The following CRADD variants were observed in gnomAD, a reference collection of about 807,000 sequenced individuals.
The protein encoded by CRADD is death domain-containing protein CRADD.
In CRADD, 9 loss-of-function variants were observed where a neutral mutation model predicts 15.5. That is an observed-to-expected ratio of 0.58 (90% CI 0.35 to 1.01). The LOEUF (loss-of-function observed/expected upper bound fraction) is 1.01, where lower values mean the gene tolerates loss of function less well. CRADD is among the 50% of genes least tolerant of loss of function. CRADD has a pLI of 0.02. For missense variants in CRADD, 227 were observed against 250.3 expected, an observed-to-expected ratio of 0.91 and a Z score of 0.63; for synonymous variants, 118 against 107.6, an observed-to-expected ratio of 1.10 and a Z score of -0.60.
intron 2 of CRADD, chr12:93,846,625 C>CACACACACACAT (rs1958123171): frequency 6.7e-6 from 1 of 150,296 alleles, no homozygotes; most frequent in Non-Finnish European, 1.5e-5. Flanking sequence ...CACACACACA[C>CACACACACACAT]GATGGACATA....
At chr12:93,813,987 CA>C (rs1210273032) in intron 2 of CRADD, among the ~76,000 whole-genome samples, 1 of 151,920 alleles carries the variant, frequency 6.6e-6, no homozygotes, top group Non-Finnish European at 1.5e-5. Flanking sequence ...GCTCCTAGAC[CA>C]AAAGTCCAAA....
chr12:93,743,380 G>A (rs149245106), intron 2 of CRADD, among the ~76,000 whole-genome samples: 204 of 152,186 alleles, frequency 1.3e-3, no homozygotes, highest in Non-Finnish European at 2.4e-3. Context: ...CATCCAGGCC[G>A]GAGTGCAGTG....
At chr12:93,884,512 C>A (rs1289700971) in intron 2 of CRADD, among the ~76,000 whole-genome samples, 1 of 152,140 alleles carries the variant, frequency 6.6e-6, no homozygotes, top group African/African-American at 2.4e-5. Context: ...CGCCCACCTG[C>A]ACACAGGGAG....
Position 93,721,332 on chromosome 12 carries a change from T to A in CRADD, c.298+42260T>A, listed in dbSNP as rs1290984301. On this transcript the variant is annotated intron_variant, in intron 2 of 2. Transcript: ENST00000332896. ...TTTCAAATAACTCTGTACTAATACA[T>A]GGGCAGTGTATTTCATTATAATAAT... 2.0e-5 allele frequency among the ~76,000 whole-genome samples: 3 copies of A among 152,214 alleles called. 1 individual carries two copies. The highest frequency in any genetic ancestry group is 4.4e-5 in the Non-Finnish European group (3 of 68,040).
chr12:93,699,229 T>C (rs970704244), intron 2 of CRADD, among the ~76,000 whole-genome samples: 3 of 152,220 alleles, frequency 2.0e-5, no homozygotes, highest in African/African-American at 2.4e-5. Flanking sequence ...CCTATGAATA[T>C]ATATCATTAT....
intron 2 of CRADD, among the ~76,000 whole-genome samples, chr12:93,890,050 C>A (rs1340128808): frequency 5.3e-5 from 8 of 152,194 alleles, no homozygotes; most frequent in Non-Finnish European, 1.2e-4. Flanking sequence ...TCTTGCAACA[C>A]TTTTGAAAAC....
intron 2 of CRADD, among the ~76,000 whole-genome samples, chr12:93,703,212 AT>A (rs145149095): frequency 6.6e-6 from 1 of 152,030 alleles, no homozygotes; most frequent in Non-Finnish European, 1.5e-5. Flanking sequence ...TTAGGTGTTG[AT>A]TTTTTTTAAA....
intron 2 of CRADD, among the ~76,000 whole-genome samples, chr12:93,726,206 C>A (rs1176648627): frequency 2.7e-5 from 4 of 147,506 alleles, no homozygotes. Flanking sequence ...CAGGTTCAAG[C>A]GATTCTCCTG....
chr12:93,682,342 A>G (rs917447178), intron 2 of CRADD, among the ~76,000 whole-genome samples: 3 of 152,264 alleles, frequency 2.0e-5, no homozygotes, highest in Admixed American at 6.5e-5. Flanking sequence ...GTATGTACAC[A>G]TTAAACTCTT....
chr12:93,864,533 T>C (rs1283864198), intron 2 of CRADD, among the ~76,000 whole-genome samples: 10 of 152,248 alleles, frequency 6.6e-5, no homozygotes, highest in Admixed American at 6.5e-4. Context: ...CCAATGACAA[T>C]GACAGCATTC....
chr12:93,813,401 C>G (rs1190358746), intron 2 of CRADD, among the ~76,000 whole-genome samples: 1 of 152,256 alleles, frequency 6.6e-6, no homozygotes, highest in African/African-American at 2.4e-5. Flanking sequence ...TTTCTTGGCT[C>G]ACTTCAGACA....
chr12:93,747,924 C>T (rs1956780455), intron 2 of CRADD, among the ~76,000 whole-genome samples: 1 of 152,162 alleles, frequency 6.6e-6, no homozygotes, highest in Non-Finnish European at 1.5e-5. Flanking sequence ...AGACCACAGT[C>T]TCAGTCTTGG....
At chr12:93,797,854 C>T (rs540742049) in intron 2 of CRADD, among the ~76,000 whole-genome samples, 19 of 152,238 alleles carry the variant, frequency 1.2e-4, no homozygotes, top group Non-Finnish European at 2.1e-4. Flanking sequence ...GCAAGTATGG[C>T]GTAGAAAGGG....
chr12:93,848,607 A>C (rs1022388555), intron 2 of CRADD: 3 of 152,274 alleles, frequency 2.0e-5, no homozygotes. Context: ...CACTTCCTCC[A>C]TTGCGATTCT....
At chr12:93,765,283 T>C (rs537663967) in intron 2 of CRADD, among the ~76,000 whole-genome samples, 2 of 152,302 alleles carry the variant, frequency 1.3e-5, no homozygotes, top group East Asian at 3.9e-4. Context: ...TACTGGTTTT[T>C]TGTTTTTACA....
intron 2 of CRADD, among the ~76,000 whole-genome samples, chr12:93,798,201 G>A (rs1238588882): frequency 6.6e-6 from 1 of 152,112 alleles, no homozygotes; most frequent in African/African-American, 2.4e-5. Context: ...TTTTTCCCAG[G>A]AAATGATACC....
At chr12:93,796,962 C>G (rs1380670602) in intron 2 of CRADD, among the ~76,000 whole-genome samples, 2 of 152,202 alleles carry the variant, frequency 1.3e-5, no homozygotes, top group Non-Finnish European at 2.9e-5. Context: ...GCCACTGTTG[C>G]ATCTGTTTGG....
At chr12:93,724,702 T>A (rs1956323164) in intron 2 of CRADD, among the ~76,000 whole-genome samples, 1 of 152,202 alleles carries the variant, frequency 6.6e-6, no homozygotes, top group South Asian at 2.1e-4. Flanking sequence ...ATGTAGATAA[T>A]TTGTATTCCC....
At chr12:93,772,705 T>A (rs1420038843) in intron 2 of CRADD, among the ~76,000 whole-genome samples, 2 of 152,258 alleles carry the variant, frequency 1.3e-5, no homozygotes, top group Non-Finnish European at 2.9e-5. Flanking sequence ...AGATATGGGC[T>A]TAGTAGGAGC....
Sources: gnomAD v4.1 joint callset for allele counts (sites outside exome capture counted in the v4.1 genomes callset) on GRCh38, gnomAD v4.1.1 for gene constraint, MANE v1.5 for transcripts, NCBI Gene and HGNC (gene_info 2026-07-23, HGNC 2026-07-21) for gene names.